The following EPHA6 variants were observed in gnomAD, a reference collection of about 807,000 sequenced individuals.
The protein encoded by EPHA6 is EPH receptor A6, also known as ephrin type-A receptor 6.
Under a neutral mutation model 112.0 loss-of-function variants are expected in EPHA6, and 50 were observed. The ratio of observed to expected loss-of-function variants is 0.45; its 90% CI spans 0.36 to 0.56. The LOEUF (loss-of-function observed/expected upper bound fraction) is 0.56, where lower values mean the gene tolerates loss of function less well. EPHA6 is among the 20% of genes least tolerant of loss of function. The pLI is 0.00. For synonymous variants in EPHA6, 529 were observed against 490.7 expected, an observed-to-expected ratio of 1.08 and a Z score of -1.03; for missense variants, 1,280 against 1,417.4, an observed-to-expected ratio of 0.90 and a Z score of 1.56.
At chr3:97,741,450 C>G (rs1046654111) in intron 16 of EPHA6, among the ~76,000 whole-genome samples, 17 of 152,046 alleles carry the variant, frequency 1.1e-4, no homozygotes, top group African/African-American at 3.6e-4. Flanking sequence ...CTGATACAAA[C>G]TCTTAATATA....
intron 10 of EPHA6, among the ~76,000 whole-genome samples, chr3:97,527,059 G>T (rs1289939176): frequency 6.6e-6 from 1 of 152,098 alleles, no homozygotes; most frequent in Non-Finnish European, 1.5e-5. Context: ...ACAGCTAAAG[G>T]GGGCTGGAGC....
intron 5 of EPHA6, among the ~76,000 whole-genome samples, chr3:97,251,294 G>T (rs1380130654): frequency 1.3e-5 from 2 of 152,022 alleles, no homozygotes; most frequent in Non-Finnish European, 2.9e-5. Context: ...ACTTTGGGAG[G>T]CCGAGGCAGG....
chr3:97,652,500 CTT>C (rs1180163861), intron 14 of EPHA6, among the ~76,000 whole-genome samples: 6 of 151,988 alleles, frequency 3.9e-5, no homozygotes, highest in Non-Finnish European at 8.8e-5. Context: ...TCCTTGGACA[CTT>C]AAGTTTTACA....
chr3:97,449,009 G>A (rs1298483975), intron 7 of EPHA6, among the ~76,000 whole-genome samples: 1 of 152,024 alleles, frequency 6.6e-6, no homozygotes, highest in Non-Finnish European at 1.5e-5. Flanking sequence ...ACCAGTCCTG[G>A]CATCATGATA....
At chr3:96,904,878 T>A (rs977391823) in intron 2 of EPHA6, among the ~76,000 whole-genome samples, 2 of 152,100 alleles carry the variant, frequency 1.3e-5, no homozygotes, top group African/African-American at 4.8e-5. Flanking sequence ...AAACTATATT[T>A]CACCTGTCAA....
intron 5 of EPHA6, among the ~76,000 whole-genome samples, chr3:97,262,225 C>T (rs2079526710): frequency 6.6e-6 from 1 of 152,094 alleles, no homozygotes; most frequent in Non-Finnish European, 1.5e-5. Flanking sequence ...AGTCTCTCAC[C>T]ACAATGTCTT....
chr3:96,998,110 G>A (rs1012190701), intron 3 of EPHA6, among the ~76,000 whole-genome samples: 1 of 151,700 alleles, frequency 6.6e-6, no homozygotes, highest in Admixed American at 6.6e-5. Context: ...TAGGGCTATA[G>A]GGCTGTCCTT....
At chr3:97,003,000 G>A (rs923739186) in intron 3 of EPHA6, among the ~76,000 whole-genome samples, 1 of 152,112 alleles carries the variant, frequency 6.6e-6, no homozygotes, top group Non-Finnish European at 1.5e-5. Context: ...ATTAATTAAT[G>A]GGAAGAATAG....
intron 11 of EPHA6, among the ~76,000 whole-genome samples, chr3:97,561,284 A>G (rs1577783501): frequency 6.6e-6 from 1 of 152,092 alleles, no homozygotes; most frequent in African/African-American, 2.4e-5. Flanking sequence ...AAAAGCTGAG[A>G]TTGACTGTAA....
chr3:97,111,131 G>T (rs2047711133), intron 3 of EPHA6, among the ~76,000 whole-genome samples: 1 of 151,990 alleles, frequency 6.6e-6, no homozygotes, highest in South Asian at 2.1e-4. Context: ...GGGATTAAAA[G>T]CTCTGACTTA....
intron 2 of EPHA6, among the ~76,000 whole-genome samples, chr3:96,969,519 C>A (rs1430593591): frequency 6.6e-6 from 1 of 151,850 alleles, no homozygotes; most frequent in Non-Finnish European, 1.5e-5. Flanking sequence ...TTTTGAAAAA[C>A]CAGGTCAAAA....
chr3:96,892,105 A>T (rs543666474), intron 2 of EPHA6, among the ~76,000 whole-genome samples: 1 of 152,290 alleles, frequency 6.6e-6, no homozygotes, highest in Non-Finnish European at 1.5e-5. Context: ...TTCATGTTTG[A>T]CTTGAGAAAC....
rs560287816 is a variant in EPHA6 at position 97,016,621 on chromosome 3, C to T, written c.1114+28628C>T. Among the ~76,000 whole-genome samples, 19 of 152,180 alleles carry T rather than the reference C, an allele frequency of 1.2e-4. 2 individuals are homozygous for T. Among genetic ancestry groups the T allele is most frequent in the African/African-American group, 4.3e-4 (18 of 41,524 alleles). On this transcript the variant is annotated intron_variant, in intron 3 of 17. Coordinates refer to ENST00000389672, the MANE Select transcript of EPHA6 (RefSeq NM_001080448.3). The stretch of plus-strand genomic sequence containing the variant: ...AAGTGTGCAGTTTGGTAAGTTTTGA[C>T]GTATGTCTAGAGCCGTGAACCCATC...
At chr3:96,837,480 A>G (rs1486970860) in intron 1 of EPHA6, among the ~76,000 whole-genome samples, 1 of 152,124 alleles carries the variant, frequency 6.6e-6, no homozygotes, top group Non-Finnish European at 1.5e-5. Context: ...ACAAGGAACG[A>G]ATTTTGTATG....
At chr3:97,193,897 A>G (rs1422109771) in intron 3 of EPHA6, among the ~76,000 whole-genome samples, 2 of 152,080 alleles carry the variant, frequency 1.3e-5, no homozygotes, top group Non-Finnish European at 2.9e-5. Flanking sequence ...ATTTGAAATG[A>G]TCACGTTTTT....
rs190903632 is a variant in EPHA6, at chr3:97,221,673, A to C, written c.1115-4591A>C. Among the ~76,000 whole-genome samples, 392 of 152,314 alleles carry C rather than the reference A, an allele frequency of 2.6e-3. 2 individuals carry two copies. Among genetic ancestry groups the C allele is most frequent in the African/African-American group, 8.5e-3 (354 of 41,568 alleles). The stretch of plus-strand genomic sequence containing the variant: ...GAATAGATACACAGAATACTTGTGC[A>C]ATTATCTCATGTTCGGTATTAGCAT... On this transcript the variant is annotated intron_variant, in intron 3 of 17. Coordinates refer to ENST00000389672, the MANE Select transcript of EPHA6 (RefSeq NM_001080448.3).
chr3:97,690,219 A>T (rs1249770488), intron 14 of EPHA6, among the ~76,000 whole-genome samples: 1 of 152,210 alleles, frequency 6.6e-6, no homozygotes, highest in Non-Finnish European at 1.5e-5. Context: ...AAAAGCTGCT[A>T]AATTGTTTTC....
intron 14 of EPHA6, among the ~76,000 whole-genome samples, chr3:97,720,027 A>G (rs1437203502): frequency 4.6e-5 from 7 of 152,246 alleles, no homozygotes; most frequent in African/African-American, 1.7e-4. Flanking sequence ...AATGAATGAA[A>G]TAAAATATTT....
intron 10 of EPHA6, among the ~76,000 whole-genome samples, chr3:97,486,738 C>T (rs1216687195): frequency 6.6e-6 from 1 of 152,158 alleles, no homozygotes; most frequent in African/African-American, 2.4e-5. Flanking sequence ...TGAGGGGACA[C>T]ATTCAAACCA....
Sources: gnomAD v4.1 joint callset for allele counts (sites outside exome capture counted in the v4.1 genomes callset) on GRCh38, gnomAD v4.1.1 for gene constraint, MANE v1.5 for transcripts, NCBI Gene and HGNC (gene_info 2026-07-23, HGNC 2026-07-21) for gene names.